The following ANO3 variants were observed in gnomAD, a reference collection of about 807,000 sequenced individuals.
ANO3 encodes anoctamin 3.
A neutral mutation model predicts 144.8 loss-of-function variants in ANO3; 99 were observed. The observed-to-expected ratio is 0.68, with a 90% CI of 0.58 to 0.81. The LOEUF (loss-of-function observed/expected upper bound fraction) is 0.81. ANO3 is among the 30% of genes least tolerant of loss of function. The pLI is 0.00. For missense variants in ANO3, 905 were observed against 1,202.2 expected (o/e 0.75, Z 3.66); for synonymous variants, 414 against 392.6 (o/e 1.05, Z -0.64).
intron 1 of ANO3, among the ~76,000 whole-genome samples, chr11:26,368,535 G>A (rs1445828493): frequency 2.0e-5 from 3 of 152,042 alleles, no homozygotes; most frequent in Non-Finnish European, 4.4e-5. Context: ...TGCCATATGT[G>A]TAAGGAAAGG....
intron 14 of ANO3, among the ~76,000 whole-genome samples, chr11:26,562,146 T>C (rs759993124): frequency 1.3e-5 from 2 of 151,912 alleles, no homozygotes; most frequent in African/African-American, 2.4e-5. Context: ...AAAGACAAGA[T>C]TCAAAGGTTA....
intron 1 of ANO3, among the ~76,000 whole-genome samples, chr11:26,301,419 A>T (rs1371384832): frequency 1.3e-5 from 2 of 152,264 alleles, no homozygotes; most frequent in Non-Finnish European, 2.9e-5. Context: ...AGCAGCATAA[A>T]TGAAACTGAA....
At chr11:26,474,798 C>A (rs1859900786) in intron 4 of ANO3, among the ~76,000 whole-genome samples, 1 of 151,632 alleles carries the variant, frequency 6.6e-6, no homozygotes, top group South Asian at 2.1e-4. Context: ...TAGATAATCA[C>A]TGATATGGAA....
chr11:26,432,993 G>C (rs549797111), intron 1 of ANO3, among the ~76,000 whole-genome samples: 1 of 152,254 alleles, frequency 6.6e-6, no homozygotes, highest in East Asian at 1.9e-4. Context: ...TTTTTGTGAA[G>C]TATGGCCATT....
chr11:26,204,812 A>C (rs574707662), intron 1 of ANO3, among the ~76,000 whole-genome samples: 1 of 152,278 alleles, frequency 6.6e-6, no homozygotes, highest in South Asian at 2.1e-4. Context: ...AGGGAATCAG[A>C]TGTGTGCTTC....
intron 1 of ANO3, among the ~76,000 whole-genome samples, chr11:26,393,198 G>C (rs1274293214): frequency 6.6e-6 from 1 of 152,022 alleles, no homozygotes; most frequent in Non-Finnish European, 1.5e-5. Flanking sequence ...ATCATACTTT[G>C]CCACATTTTA....
chr11:26,399,736 C>A (rs957316958), intron 1 of ANO3, among the ~76,000 whole-genome samples: 2 of 151,986 alleles, frequency 1.3e-5, no homozygotes, highest in South Asian at 2.1e-4. Flanking sequence ...GCCCCTGCCC[C>A]CTTTCCTGCA....
intron 3 of ANO3, among the ~76,000 whole-genome samples, chr11:26,457,418 A>G (rs1859210336): frequency 6.6e-6 from 1 of 151,406 alleles, no homozygotes; most frequent in South Asian, 2.1e-4. Flanking sequence ...TTTCCTATCT[A>G]CTTAGGCTTT....
chr11:26,197,979 C>G (rs529517163), intron 1 of ANO3, among the ~76,000 whole-genome samples: 1 of 152,274 alleles, frequency 6.6e-6, no homozygotes, highest in South Asian at 2.1e-4. Context: ...CTCTGTGACT[C>G]CAGTCTCTTC....
Position 26,547,447 on chromosome 11 carries a change from T to C in ANO3, c.1186T>C (p.Phe396Leu). The C allele has an allele frequency of 6.2e-7, 1 of 1,612,078 alleles. No individual in the cohort carries two copies. The highest frequency in any genetic ancestry group is 8.5e-7 in the Non-Finnish European group (1 of 1,178,574). The part of the protein sequence containing the change: ...LYFGEKIGLY[F>L]AWLGWYTGML... ...CTTTGGTGAGAAGATTGGACTATAC[T>C]TTGCTTGGCTGGGATGGTATACTGG... Residue 396 changes from phenylalanine to leucine, a missense_variant, in exon 12 of 27, where the codon TTT becomes CTT. Coordinates refer to ENST00000256737, the MANE Select transcript of ANO3 (RefSeq NM_031418.4).
At chr11:26,323,528 A>G (rs1187891176) in intron 1 of ANO3, among the ~76,000 whole-genome samples, 1 of 152,076 alleles carries the variant, frequency 6.6e-6, no homozygotes, top group East Asian at 1.9e-4. Flanking sequence ...TGGGTCTGTG[A>G]TTCAAGAGAC....
At chr11:26,230,380 A>G (rs1273945984) in intron 1 of ANO3, among the ~76,000 whole-genome samples, 1 of 152,222 alleles carries the variant, frequency 6.6e-6, no homozygotes, top group African/African-American at 2.4e-5. Context: ...AACAGGGATA[A>G]GAAAGGGGTA....
chr11:26,590,879 C>G (rs1045250858), intron 14 of ANO3, among the ~76,000 whole-genome samples: 2 of 152,178 alleles, frequency 1.3e-5, no homozygotes, highest in Non-Finnish European at 1.5e-5. Flanking sequence ...GAAGAGTGTG[C>G]AGCTGCAAGA....
At chr11:26,280,042 AT>A (rs1339871022) in intron 1 of ANO3, among the ~76,000 whole-genome samples, 5 of 152,108 alleles carry the variant, frequency 3.3e-5, no homozygotes, top group Non-Finnish European at 5.9e-5. Flanking sequence ...AGGGGTTCTT[AT>A]GCTACCATTT....
Position 26,639,054 on chromosome 11 carries a change from T to C in ANO3, c.2044-90T>C, listed in dbSNP as rs930117668. Reference sequence around the variant, plus strand: ...ATGCATGAGATGGTGTGACCCAGCTTTAAAATTTGCTGTACAATTTAATGG... The same window carrying C: ...ATGCATGAGATGGTGTGACCCAGCTCTAAAATTTGCTGTACAATTTAATGG... On this transcript the variant is annotated intron_variant, in intron 20 of 26. Coordinates refer to ENST00000256737, the MANE Select transcript of ANO3 (RefSeq NM_031418.4). 4 of 875,048 alleles carry C rather than the reference T, an allele frequency of 4.6e-6. No individual in the cohort carries two copies. The African/African-American group carries it at 6.7e-5, about 15-fold the overall frequency. The allele number at this position is 875,048 out of a possible 1,614,324, so 54.2% of individuals were successfully genotyped here. A position where few individuals can be genotyped will look rare whatever the true frequency, so the allele number is the denominator to read the frequency against.
chr11:26,357,784 A>G (rs1320029835), intron 1 of ANO3, among the ~76,000 whole-genome samples: 1 of 152,016 alleles, frequency 6.6e-6, no homozygotes, highest in Non-Finnish European at 1.5e-5. Flanking sequence ...GTTTCCCTTT[A>G]TGTTTCTTTC....
intron 1 of ANO3, among the ~76,000 whole-genome samples, chr11:26,275,577 C>T (rs1240401645): frequency 6.6e-6 from 1 of 152,132 alleles, no homozygotes; most frequent in Admixed American, 6.6e-5. Context: ...AGGAGGTCCT[C>T]ATCCCTCCTT....
chr11:26,595,460 G>GTTTTTTTTTTTTTTTTTTTTT lies in ANO3; in HGVS notation c.1448-2898_1448-2878dup, dbSNP rs201712393. Among the ~76,000 whole-genome samples, 13 of 101,388 alleles carry GTTTTTTTTTTTTTTTTTTTTT rather than the reference G, an allele frequency of 1.3e-4. 1 individual carries two copies. Among genetic ancestry groups the GTTTTTTTTTTTTTTTTTTTTT allele is most frequent in the African/African-American group, 2.5e-4 (6 of 23,950 alleles). The allele number at this position is 101,388 out of a possible 152,430, so 66.5% of individuals were successfully genotyped here. On this transcript the variant is annotated intron_variant, in intron 14 of 26. Coordinates refer to ENST00000256737, the MANE Select transcript of ANO3 (RefSeq NM_031418.4). ...TTTGACTCAGTATTGAGATAGAGTT[G>GTTTTTTTTTTTTTTTTTTTTT]TTTTTTTTTTTTTTTTTTTTTTTTT...
chr11:26,608,254 C>T (rs1247946720), intron 17 of ANO3, among the ~76,000 whole-genome samples: 1 of 152,078 alleles, frequency 6.6e-6, no homozygotes, highest in Non-Finnish European at 1.5e-5. Context: ...TTTGGTTCAC[C>T]CCCATGCCTG....
Sources: gnomAD v4.1 joint callset for allele counts (sites outside exome capture counted in the v4.1 genomes callset) on GRCh38, gnomAD v4.1.1 for gene constraint, MANE v1.5 for transcripts, NCBI Gene and HGNC (gene_info 2026-07-23, HGNC 2026-07-21) for gene names.